The following MYCBP2 variants were observed in gnomAD, a reference collection of about 807,000 sequenced individuals.
The protein encoded by MYCBP2 is MYC binding protein 2, also known as E3 ubiquitin-protein ligase MYCBP2.
Under a neutral mutation model 525.3 loss-of-function variants are expected in MYCBP2, and 120 were observed. That is an observed-to-expected ratio of 0.23 (90% CI 0.20 to 0.27). MYCBP2 has a LOEUF of 0.27. MYCBP2 is among the 10% of genes least tolerant of loss of function. The pLI, the probability that MYCBP2 is intolerant of heterozygous loss-of-function variation, is 1.00. For missense variants in MYCBP2, 4,149 were observed against 5,657.1 expected, an observed-to-expected ratio of 0.73 and a Z score of 8.55; for synonymous variants, 1,894 against 1,955.8, an observed-to-expected ratio of 0.97 and a Z score of 0.83.
chr13:77,145,265 A>G (rs1447357498), intron 48 of MYCBP2, among the ~76,000 whole-genome samples: 1 of 152,156 alleles, frequency 6.6e-6, no homozygotes, highest in Non-Finnish European at 1.5e-5. Flanking sequence ...GCAATCTCTC[A>G]GTAGCATCTG....
chr13:77,228,691 TTGTGTGTGTGTGTGTG>T (rs34441629), intron 18 of MYCBP2, among the ~76,000 whole-genome samples: 1 of 147,186 alleles, frequency 6.8e-6, no homozygotes, highest in Non-Finnish European at 1.5e-5. Flanking sequence ...GATGAATATG[TTGTGTGTGTGTGTGTG>T]TGTGTGTGTG....
chr13:77,123,419 A>C (rs183099459), intron 54 of MYCBP2, among the ~76,000 whole-genome samples: 1 of 152,208 alleles, frequency 6.6e-6, no homozygotes, highest in African/African-American at 2.4e-5. Context: ...AGAAGCTTCT[A>C]TCTTCTAAGT....
At position 77,083,117 on chromosome 13, in the gene MYCBP2, G is replaced by A; in HGVS notation, c.10951C>T (p.His3651Tyr). Reference protein sequence around the residue: ...IAGEAAHPLPHTFHRLLQTIS... With the variant: ...IAGEAAHPLPYTFHRLLQTIS... ...GTCTGCAGCAAGCGGTGAAAGGTGTGTGGTAAAGGATGAGCAGCTTCCCCG... is the reference window on the plus strand; with the variant it reads ...GTCTGCAGCAAGCGGTGAAAGGTGTATGGTAAAGGATGAGCAGCTTCCCCG... Residue 3651 changes from histidine (H) to tyrosine (Y), a missense_variant, in exon 63 of 83, where the codon CAC becomes TAC. Physicochemically the swap from His to Tyr is moderately conservative, Grantham distance 83. Transcript: ENST00000544440. 6.2e-7 allele frequency: 1 copy of A among 1,613,640 alleles called. No individual in the cohort carries two copies. The highest frequency in any genetic ancestry group is 8.5e-7 in the Non-Finnish European group (1 of 1,179,698).
intron 75 of MYCBP2, 64 bp downstream of exon 75, chr13:77,061,598 C>G (rs1476623329): frequency 4.5e-6 from 7 of 1,565,794 alleles, no homozygotes; most frequent in South Asian, 3.6e-5. Context: ...CACAAAGCCT[C>G]TTTCACACAT....
intron 15 of MYCBP2, among the ~76,000 whole-genome samples, chr13:77,250,896 T>C (rs913674832): frequency 1.3e-5 from 2 of 152,132 alleles, no homozygotes; most frequent in Admixed American, 6.6e-5. Context: ...GAAAAACTTA[T>C]GGTCTGTTTT....
At chr13:77,252,144 T>A (rs1047243709) in intron 14 of MYCBP2, among the ~76,000 whole-genome samples, 3 of 152,194 alleles carry the variant, frequency 2.0e-5, no homozygotes, top group Non-Finnish European at 2.9e-5. Flanking sequence ...AATTCATTCA[T>A]CTTTTTTTCT....
intron 52 of MYCBP2, among the ~76,000 whole-genome samples, chr13:77,136,228 G>A (rs1033364775): frequency 2.0e-5 from 3 of 152,196 alleles, no homozygotes; most frequent in African/African-American, 7.2e-5. Context: ...CACTTGTAGT[G>A]ACTTCCACGT....
Position 77,305,924 on chromosome 13 carries a change from G to A in MYCBP2, c.303-9250C>T, listed in dbSNP as rs189387322. On this transcript the variant is annotated intron_variant, in intron 1 of 82. Coordinates refer to ENST00000544440, the MANE Select transcript of MYCBP2 (RefSeq NM_015057.5). ...ATCTATAAAAAACCTACTTTTAACAGTGTATTCAACTATACTGAATGTTGA... is the reference window on the plus strand; with the variant it reads ...ATCTATAAAAAACCTACTTTTAACAATGTATTCAACTATACTGAATGTTGA... 1.0e-3 allele frequency among the ~76,000 whole-genome samples: 157 copies of A among 152,226 alleles called. 1 individual carries two copies. Among genetic ancestry groups the A allele is most frequent in the Middle Eastern group, 3.4e-3 (1 of 294 alleles).
chr13:77,086,412 A>G (rs1239180976), intron 62 of MYCBP2, among the ~76,000 whole-genome samples: 3 of 152,116 alleles, frequency 2.0e-5, no homozygotes, highest in Non-Finnish European at 4.4e-5. Flanking sequence ...GTGATTCACT[A>G]TAATTTGTCC....
chr13:77,209,033 A>G (rs2063678165), intron 23 of MYCBP2, among the ~76,000 whole-genome samples: 1 of 152,228 alleles, frequency 6.6e-6, no homozygotes, highest in Non-Finnish European at 1.5e-5. Flanking sequence ...GAAAAACACA[A>G]AAGACACAAA....
intron 52 of MYCBP2, among the ~76,000 whole-genome samples, chr13:77,137,615 G>A (rs1255313908): frequency 3.9e-5 from 6 of 152,018 alleles, no homozygotes; most frequent in African/African-American, 1.5e-4. Context: ...TTGAGACAGA[G>A]ATTCGCTCTG....
At chr13:77,046,219 A>T (rs1362324282) in intron 82 of MYCBP2, among the ~76,000 whole-genome samples, 1 of 152,246 alleles carries the variant, frequency 6.6e-6, no homozygotes. Context: ...CATGGGTTTC[A>T]TATCATTTAG....
chr13:77,238,678 A>T (rs1046305821), intron 17 of MYCBP2, among the ~76,000 whole-genome samples: 1 of 152,236 alleles, frequency 6.6e-6, no homozygotes, highest in Non-Finnish European at 1.5e-5. Flanking sequence ...TAACACAAAG[A>T]TTTAAAATTA....
Position 77,051,891 on chromosome 13 carries a change from C to G in MYCBP2, c.13675G>C (p.Asp4559His). The change falls in exon 81 of 83, where the codon GAT becomes CAT. Residue 4559 changes from aspartate to histidine, a missense_variant. Asp to His is a moderately conservative substitution (Grantham distance 81). Coordinates refer to ENST00000544440, the MANE Select transcript of MYCBP2 (RefSeq NM_015057.5). ...KAYFGGEARC[D>H]AEAGRGDDYD... ...TCATCTCCCCGTCCAGCCTCAGCAT[C>G]GCAGCGAGCTTCACCACCAAAATAT... 6.2e-7 allele frequency: 1 copy of G among 1,614,150 alleles called. No homozygotes were observed. Among genetic ancestry groups the G allele is most frequent in the Non-Finnish European group, 8.5e-7 (1 of 1,180,012 alleles).
chr13:77,121,571 G>C (rs2050698666), intron 54 of MYCBP2, 76 bp from the exon 55 acceptor site: 2 of 1,338,618 alleles, frequency 1.5e-6, no homozygotes, highest in African/African-American at 1.5e-5. Flanking sequence ...AGAGAAAATT[G>C]CAAAAGATTT....
At chr13:77,187,880 C>T (rs922685690) in intron 30 of MYCBP2, among the ~76,000 whole-genome samples, 1 of 151,666 alleles carries the variant, frequency 6.6e-6, no homozygotes, top group African/African-American at 2.4e-5. Context: ...TCGAGACCAC[C>T]ACCAACATGG....
intron 68 of MYCBP2, among the ~76,000 whole-genome samples, chr13:77,071,937 T>C (rs2041377867): frequency 6.6e-6 from 1 of 151,808 alleles, no homozygotes; most frequent in Non-Finnish European, 1.5e-5. Flanking sequence ...AACAGGAAAA[T>C]TCCCAAATAT....
In MYCBP2 at chr13:77,257,534, T is replaced by A. The variant is rs533293159; in HGVS notation, c.2176+137A>T. ...ACCTACTATCTACCCATAAAATTTT[T>A]AAAAAAAATTTAAATAGGAACAAAA... On this transcript the variant is annotated intron_variant, in intron 14 of 82. Coordinates refer to ENST00000544440, the MANE Select transcript of MYCBP2 (RefSeq NM_015057.5). 207 of 893,864 alleles carry A rather than the reference T, an allele frequency of 2.3e-4. 3 individuals carry two copies. The East Asian group carries it at 3.1e-3, about 13-fold the overall frequency. 55.4% of individuals were successfully genotyped at this position (893,864 alleles called of 1,614,324 possible).
intron 17 of MYCBP2, among the ~76,000 whole-genome samples, chr13:77,236,818 G>T (rs983381278): frequency 5.3e-5 from 8 of 151,836 alleles, no homozygotes; most frequent in Non-Finnish European, 1.0e-4. Flanking sequence ...GGGTCACTTG[G>T]GCCCAGTTGT....
Sources: allele counts gnomAD v4.1 joint callset (sites outside exome capture counted in the v4.1 genomes callset), GRCh38; gene constraint gnomAD v4.1.1; transcripts MANE v1.5; gene names NCBI Gene and HGNC (gene_info 2026-07-23, HGNC 2026-07-21).